Variants in LINGO2 observed in about 807,000 individuals in gnomAD.
LINGO2 encodes the protein leucine-rich repeat and immunoglobulin-like domain-containing nogo receptor-interacting protein 2.
LINGO2 carries 14 observed loss-of-function variants against 30.6 expected under a neutral mutation model. That is an observed-to-expected ratio of 0.46 (90% confidence interval 0.30 to 0.72). The LOEUF is 0.72. LINGO2 is among the 30% of genes least tolerant of loss of function. The pLI is 0.07. For synonymous variants in LINGO2, 317 were observed against 288.5 expected (o/e 1.10, Z -1.00); for missense variants, 729 against 751.7 (o/e 0.97, Z 0.35).
At chr9:28,057,058 T>C (rs1460473975) in intron 4 of LINGO2, among the ~76,000 whole-genome samples, 3 of 152,158 alleles carry the variant, frequency 2.0e-5, no homozygotes, top group Non-Finnish European at 4.4e-5. Context: ...ATCTACATGA[T>C]AATGTAATGA....
At chr9:28,697,337 G>C in the LINGO2 span, among the ~76,000 whole-genome samples, 1 of 151,910 alleles carries the variant, frequency 6.6e-6, no homozygotes, top group Non-Finnish European at 1.5e-5. Flanking sequence ...TCTGGATTTG[G>C]AACAGGTTAG....
chr9:29,180,899 A>C, the LINGO2 span, among the ~76,000 whole-genome samples: 2 of 152,146 alleles, frequency 1.3e-5, no homozygotes, highest in Admixed American at 6.5e-5. Flanking sequence ...CAACAACAAA[A>C]CAAAACAAAA....
At chr9:28,184,561 G>T (rs942852994) in intron 4 of LINGO2, among the ~76,000 whole-genome samples, 3 of 151,192 alleles carry the variant, frequency 2.0e-5, no homozygotes, top group African/African-American at 7.3e-5. Context: ...AAGATGTAAA[G>T]GGGGAGGAAG....
chr9:28,454,393 G>A (rs1400589917), intron 2 of LINGO2, among the ~76,000 whole-genome samples: 1 of 151,806 alleles, frequency 6.6e-6, no homozygotes, highest in Non-Finnish European at 1.5e-5. Context: ...CCTTCAAACA[G>A]TGAACTCAAA....
chr9:28,612,830 T>C (rs62555324), intron 1 of LINGO2, among the ~76,000 whole-genome samples: 5,455 of 152,090 alleles, frequency 0.036, 126 homozygotes, highest in African/African-American at 0.049. Flanking sequence ...GACATAAGAT[T>C]TTGGGGGAGC....
At chr9:27,981,294 T>C (rs955947643) in intron 5 of LINGO2, among the ~76,000 whole-genome samples, 1 of 151,586 alleles carries the variant, frequency 6.6e-6, no homozygotes, top group African/African-American at 2.4e-5. Flanking sequence ...CCTTGTAAGA[T>C]AATATTATCT....
intron 2 of LINGO2, among the ~76,000 whole-genome samples, chr9:28,439,767 C>T (rs1471434776): frequency 6.6e-6 from 1 of 152,090 alleles, no homozygotes; most frequent in Non-Finnish European, 1.5e-5. Context: ...ATAAATTAGC[C>T]AGTCTCAGGT....
the LINGO2 span, among the ~76,000 whole-genome samples, chr9:28,947,762 AT>A: frequency 6.6e-6 from 1 of 151,470 alleles, no homozygotes. Flanking sequence ...TATATATGTA[AT>A]ATGTATATAT....
the LINGO2 span, among the ~76,000 whole-genome samples, chr9:28,787,123 C>G: frequency 6.6e-6 from 1 of 152,088 alleles, no homozygotes; most frequent in Non-Finnish European, 1.5e-5. Context: ...TAATGAAGCA[C>G]TGGACCTAGG....
chr9:28,335,070 A>G (rs1203123977), intron 3 of LINGO2, among the ~76,000 whole-genome samples: 1 of 152,138 alleles, frequency 6.6e-6, no homozygotes, highest in Admixed American at 6.6e-5. Context: ...CATATTCACT[A>G]CAATTATAAT....
At chr9:28,765,170 A>T in the LINGO2 span, among the ~76,000 whole-genome samples, 6 of 152,096 alleles carry the variant, frequency 3.9e-5, no homozygotes, top group Non-Finnish European at 8.8e-5. Flanking sequence ...GAATCACAAA[A>T]GGCCCAAAAC....
chr9:28,276,799 T>C (rs1823129977), intron 4 of LINGO2, among the ~76,000 whole-genome samples: 2 of 152,234 alleles, frequency 1.3e-5, no homozygotes, highest in South Asian at 4.1e-4. Context: ...TCCCTTTTTG[T>C]TCTTTTATAT....
At chr9:28,189,602 AGGAAGGAAGGGAGGGAGGGAGGAAGGG>A in intron 4 of LINGO2, among the ~76,000 whole-genome samples, 3 of 4,860 alleles carry the variant, frequency 6.2e-4, no homozygotes, top group African/African-American at 1.8e-3. Flanking sequence ...GAAGGAAGGG[AGGAAGGAAGGGAGGGAGGGAGGAAGGG>A]AGGGAGGAAG....
chr9:29,174,470 C>T, the LINGO2 span, among the ~76,000 whole-genome samples: 7 of 152,206 alleles, frequency 4.6e-5, no homozygotes, highest in Non-Finnish European at 1.0e-4. Flanking sequence ...CTATGAATAG[C>T]ATTTCATGCT....
chr9:28,110,325 T>C (rs1052841803), intron 4 of LINGO2, among the ~76,000 whole-genome samples: 1 of 152,154 alleles, frequency 6.6e-6, no homozygotes, highest in African/African-American at 2.4e-5. Flanking sequence ...ATTCAGAACA[T>C]AGGCATGGGC....
intron 3 of LINGO2, among the ~76,000 whole-genome samples, chr9:28,328,543 A>G (rs771680208): frequency 2.1e-5 from 3 of 142,922 alleles, no homozygotes; most frequent in Non-Finnish European, 3.1e-5. Context: ...GATTTTTTAA[A>G]AAGTCCATCT....
At chr9:27,983,606 A>G (rs1373203780) in intron 5 of LINGO2, among the ~76,000 whole-genome samples, 1 of 151,868 alleles carries the variant, frequency 6.6e-6, no homozygotes, top group Non-Finnish European at 1.5e-5. Context: ...CTTACTATGA[A>G]AAGCCTTGAT....
chr9:28,007,884 C>G (rs1054037247), intron 5 of LINGO2, among the ~76,000 whole-genome samples: 4 of 152,102 alleles, frequency 2.6e-5, no homozygotes, highest in Admixed American at 1.3e-4. Flanking sequence ...GTTTTCTTTC[C>G]ATTTTACCAC....
At chr9:29,137,837 A>T in the LINGO2 span, among the ~76,000 whole-genome samples, 1 of 152,100 alleles carries the variant, frequency 6.6e-6, no homozygotes, top group African/African-American at 2.4e-5. Flanking sequence ...TAGTTATATG[A>T]TATGAGGCAA....
Sources: gnomAD v4.1 joint callset for allele counts (sites outside exome capture counted in the v4.1 genomes callset) on GRCh38, gnomAD v4.1.1 for gene constraint, MANE v1.5 for transcripts, NCBI Gene and HGNC (gene_info 2026-07-23, HGNC 2026-07-21) for gene names.